Variants in EPB41L3 observed in about 807,000 individuals in gnomAD.
EPB41L3 encodes the protein erythrocyte membrane protein band 4.1 like 3.
EPB41L3 carries 57 observed loss-of-function variants against 127.1 expected under a neutral mutation model. The ratio of observed to expected loss-of-function variants is 0.45; its 90% CI spans 0.36 to 0.56. EPB41L3 has a LOEUF of 0.56. EPB41L3 is among the 20% of genes least tolerant of loss of function. The pLI is 0.00. For synonymous variants in EPB41L3, 572 were observed against 549.5 expected (o/e 1.04, Z -0.57); for missense variants, 1,273 against 1,372.2 (o/e 0.93, Z 1.14).
intron 3 of EPB41L3, among the ~76,000 whole-genome samples, chr18:5,557,291 G>A (rs1430667329): frequency 1.3e-5 from 2 of 152,196 alleles, no homozygotes; most frequent in Admixed American, 6.5e-5. Context: ...AATAGATATC[G>A]ACATGTGGGC....
chr18:5,453,908 T>A (rs148929303), intron 3 of EPB41L3, among the ~76,000 whole-genome samples: 1 of 152,198 alleles, frequency 6.6e-6, no homozygotes, highest in East Asian at 1.9e-4. Context: ...TTTCCCCCCA[T>A]GCTTCCTGCC....
At chr18:5,396,124 C>A (rs2073407755) in intron 19 of EPB41L3, 77 bp downstream of exon 19, 22 of 1,541,710 alleles carry the variant, frequency 1.4e-5, no homozygotes, top group Non-Finnish European at 2.0e-5. Context: ...AAATATCGTG[C>A]AGTTCTATGT....
chr18:5,615,501 C>T (rs2094783757), intron 1 of EPB41L3, among the ~76,000 whole-genome samples: 1 of 152,122 alleles, frequency 6.6e-6, no homozygotes, highest in African/African-American at 2.4e-5. Flanking sequence ...GTAAGACCTA[C>T]TATTTGAGAA....
At chr18:5,626,866 TGA>T (rs1417313927) in intron 1 of EPB41L3, among the ~76,000 whole-genome samples, 1 of 152,156 alleles carries the variant, frequency 6.6e-6, no homozygotes, top group Non-Finnish European at 1.5e-5. Flanking sequence ...CAGTGTATTG[TGA>T]GAATAGGTAA....
At chr18:5,465,972 C>CA (rs11448406) in intron 3 of EPB41L3, among the ~76,000 whole-genome samples, 63,656 of 140,344 alleles carry the variant, frequency 0.45, 14,084 homozygotes, top group African/African-American at 0.58. Context: ...CCACCACCAA[C>CA]AAAAAAAAAA....
intron 1 of EPB41L3, among the ~76,000 whole-genome samples, chr18:5,626,372 G>C (rs983506477): frequency 6.6e-6 from 1 of 152,062 alleles, no homozygotes; most frequent in African/African-American, 2.4e-5. Context: ...TTACATTCCA[G>C]TTTTCTCTAC....
chr18:5,436,577 T>G (rs1259742321), intron 6 of EPB41L3, among the ~76,000 whole-genome samples: 1 of 151,876 alleles, frequency 6.6e-6, no homozygotes, highest in Non-Finnish European at 1.5e-5. Flanking sequence ...CCCGGCTAAT[T>G]TTTTGTATTT....
intron 5 of EPB41L3, among the ~76,000 whole-genome samples, chr18:5,439,506 T>C (rs1387274065): frequency 6.6e-6 from 1 of 152,210 alleles, no homozygotes; most frequent in Non-Finnish European, 1.5e-5. Flanking sequence ...CATGTATTAG[T>C]TATAGTTAAT....
In EPB41L3 at chr18:5,593,669, C is replaced by G. The variant is rs143672538; in HGVS notation, c.-306+18671G>C. On this transcript the variant is annotated intron_variant, in intron 3 of 21. Transcript: ENST00000545076. ...ATTTATTAGGCGGGAATTTCCTCGT[C>G]CTAATAAGCCTGGGAGCACTATGGG... Among the ~76,000 whole-genome samples the G allele has an allele frequency of 2.2e-3, 335 of 152,210 alleles. 2 individuals carry two copies. Among genetic ancestry groups the G allele is most frequent in the African/African-American group, 7.6e-3 (314 of 41,532 alleles).
intron 3 of EPB41L3, among the ~76,000 whole-genome samples, chr18:5,587,649 T>C (rs2094452442): frequency 6.6e-6 from 1 of 152,172 alleles, no homozygotes; most frequent in African/African-American, 2.4e-5. Context: ...AAATTCCTTC[T>C]TGCCCTTCAT....
At chr18:5,413,356 C>T (rs1475561130) in intron 13 of EPB41L3, among the ~76,000 whole-genome samples, 1 of 152,094 alleles carries the variant, frequency 6.6e-6, no homozygotes, top group African/African-American at 2.4e-5. Context: ...AAAGAAAAAA[C>T]ATGACTGGTC....
At chr18:5,558,241 C>G (rs934991523) in intron 3 of EPB41L3, among the ~76,000 whole-genome samples, 9 of 152,126 alleles carry the variant, frequency 5.9e-5, no homozygotes, top group African/African-American at 2.2e-4. Flanking sequence ...TGAATGCACT[C>G]TGATACATTT....
intron 1 of EPB41L3, among the ~76,000 whole-genome samples, chr18:5,500,627 A>C (rs2091657436): frequency 1.3e-5 from 2 of 152,224 alleles, no homozygotes; most frequent in Admixed American, 1.3e-4. Flanking sequence ...CACGGGGTGA[A>C]GGACAGAGAG....
rs2072674249 is a variant in EPB41L3 at position 5,393,153 on chromosome 18, T to C, written c.*332A>G. On this transcript the variant is annotated 3_prime_UTR_variant, in exon 23 of 23. Coordinates refer to ENST00000341928, the MANE Select transcript of EPB41L3 (RefSeq NM_012307.5). Reference sequence around the variant, plus strand: ...ATGAAAGGCATGAATTGTTTATGTGTTACATGAGACCACGGTTTATATTGT... The same window carrying C: ...ATGAAAGGCATGAATTGTTTATGTGCTACATGAGACCACGGTTTATATTGT... 3.4e-6 allele frequency: 1 copy of C among 291,318 alleles called. No individual in the cohort carries two copies. Among genetic ancestry groups the C allele is most frequent in the Admixed American group, 5.1e-5 (1 of 19,596 alleles). The allele number at this position is 291,318 out of a possible 1,614,324, so 18.0% of individuals were successfully genotyped here.
intron 3 of EPB41L3, among the ~76,000 whole-genome samples, chr18:5,452,914 T>A (rs3931117): frequency 0.28 from 42,549 of 152,078 alleles, 6,208 homozygotes; most frequent in Middle Eastern, 0.38. Context: ...AATGTCTTGA[T>A]CTCCCCTTTT....
chr18:5,398,943 C>T (rs553154148), intron 16 of EPB41L3: 8 of 399,144 alleles, frequency 2.0e-5, no homozygotes, highest in South Asian at 1.3e-4. Context: ...GGACAATTTC[C>T]GCTGTGTCGT....
chr18:5,465,777 G>T (rs1439068921), intron 3 of EPB41L3, among the ~76,000 whole-genome samples: 5 of 152,070 alleles, frequency 3.3e-5, no homozygotes, highest in Admixed American at 3.3e-4. Flanking sequence ...ATATTCTTAA[G>T]TTCAAAAATC....
At chr18:5,558,949 G>T (rs888120218) in intron 3 of EPB41L3, among the ~76,000 whole-genome samples, 24 of 152,108 alleles carry the variant, frequency 1.6e-4, no homozygotes, top group East Asian at 5.8e-4. Context: ...TGAGTTTTTT[G>T]AATATTATGA....
intron 18 of EPB41L3, 133 bp downstream of exon 18, chr18:5,396,925 T>C (rs2143755777): frequency 1.0e-6 from 1 of 952,766 alleles, no homozygotes; most frequent in East Asian, 2.5e-5. Context: ...AAGAAGGAAA[T>C]GAGAGGAGAA....
Sources: allele counts gnomAD v4.1 joint callset (sites outside exome capture counted in the v4.1 genomes callset), GRCh38; gene constraint gnomAD v4.1.1; transcripts MANE v1.5; gene names NCBI Gene and HGNC (gene_info 2026-07-23, HGNC 2026-07-21).